ERBB2: variants seen among roughly 807,000 people sequenced by gnomAD.
ERBB2 encodes the protein receptor tyrosine-protein kinase erbB-2.
A neutral mutation model predicts 149.0 loss-of-function variants in ERBB2; 61 were observed. That is an observed-to-expected ratio of 0.41 (90% CI 0.33 to 0.51). The LOEUF is 0.51. ERBB2 is among the 20% of genes least tolerant of loss of function. ERBB2 has a pLI of 0.25. For synonymous variants in ERBB2, 633 were observed against 678.8 expected (o/e 0.93, Z 1.05); for missense variants, 1,205 against 1,655.1 (o/e 0.73, Z 4.72).
In ERBB2 at chr17:39,727,312, G is replaced by C. The variant is rs2143232917; in HGVS notation, c.3177G>C (p.Leu1059=). The C allele has an allele frequency of 1.2e-6, 2 of 1,612,914 alleles. No individual in the cohort carries two copies. Among genetic ancestry groups the C allele is most frequent in the Non-Finnish European group, 1.7e-6 (2 of 1,179,726 alleles). The change falls in exon 26 of 27, where the codon CTG becomes CTC. Residue 1059 remains leucine, a synonymous_variant. Transcript: ENST00000269571. The surrounding 1 kb of genome is among the most constrained non-coding windows in gnomAD (Gnocchi z 4.3). ...SSSTRSGGGD[L]TLGLEPSEEE... ...GTCCCCAGAGTGGCGGTGGGGACCT[G>C]ACACTAGGGCTGGAGCCCTCTGAAG... is the stretch of plus-strand genomic sequence containing the variant.
chr17:39,699,301 A>C (rs1264131373), upstream of ERBB2, among the ~76,000 whole-genome samples: 4 of 152,094 alleles, frequency 2.6e-5, no homozygotes, highest in Non-Finnish European at 5.9e-5. Flanking sequence ...CTTTACTAAA[A>C]ATACAAAAAA....
chr17:39,711,776 T>C, intron 7 of ERBB2, 152 bp from the exon 8 acceptor site: 1 of 865,034 alleles, frequency 1.2e-6, no homozygotes, highest in Middle Eastern at 2.8e-4. Flanking sequence ...GTCTGGTTGT[T>C]GTGAGGGGTA....
In ERBB2 at chr17:39,712,210, T is replaced by C. The variant is rs771808305; in HGVS notation, c.1022-112T>C. On this transcript the variant is annotated intron_variant, in intron 8 of 26. Coordinates refer to ENST00000269571, the MANE Select transcript of ERBB2 (RefSeq NM_004448.4). The stretch of plus-strand genomic sequence containing the variant: ...CCCCTCAGCCCTACAAGTGTCCCTA[T>C]ATCCCCTGTCAGTGTGGGGAGGGGC... 5 of 1,521,530 alleles carry C rather than the reference T, an allele frequency of 3.3e-6. No homozygotes were observed. In the East Asian group the frequency reaches 9.1e-5, roughly 28 times the overall value. The allele number at this position is 1,521,530 out of a possible 1,614,324, so 94.3% of individuals were successfully genotyped here. A position where few individuals can be genotyped will look rare whatever the true frequency, so the allele number is the denominator to read the frequency against.
intron 7 of ERBB2, 102 bp downstream of exon 7, chr17:39,710,583 C>A: frequency 2.2e-6 from 3 of 1,348,708 alleles, no homozygotes; most frequent in Non-Finnish European, 3.1e-6. Flanking sequence ...GCTTTGAGAG[C>A]TGGTCATGAC....
rs2143263473 is a variant in ERBB2 at position 39,727,559 on chromosome 17, A to G, written c.3412+12A>G. 1 of 1,593,524 alleles carries G rather than the reference A, an allele frequency of 6.3e-7. No individual in the cohort carries two copies. Among genetic ancestry groups the G allele is most frequent in the Non-Finnish European group, 8.5e-7 (1 of 1,174,730 alleles). On this transcript the variant is annotated intron_variant, in intron 26 of 26. Transcript: ENST00000269571. The surrounding 1 kb of genome is among the most constrained non-coding windows in gnomAD (Gnocchi z 4.3). The stretch of plus-strand genomic sequence containing the variant: ...CAGCCCCCAGCCTGGTATGGAGTCC[A>G]GTCTAAGCAGAGAGACTGATGGGCA...
chr17:39,723,839 G>A lies in ERBB2; in HGVS notation c.2209-73G>A, dbSNP rs2059584051. 6.0e-6 allele frequency: 9 copies of A among 1,504,572 alleles called. No individual in the cohort carries two copies. Among genetic ancestry groups the A allele is most frequent in the Admixed American group, 3.4e-5 (2 of 59,088 alleles). 93.2% of individuals were successfully genotyped at this position (1,504,572 alleles called of 1,614,324 possible). On this transcript the variant is annotated intron_variant, in intron 18 of 26. Transcript: ENST00000269571. The surrounding 1 kb of genome is among the most constrained non-coding windows in gnomAD (Gnocchi z 6.2). ...GTGGTGAAGGATGTTTGGAGGACAA[G>A]TAATGATCTCCTGGAAGGCAGGTAG...
chr17:39,699,415 C>A, upstream of ERBB2: 1 of 688,284 alleles, frequency 1.5e-6, no homozygotes, highest in Non-Finnish European at 2.4e-6. Context: ...GAGCAGAGAT[C>A]GCGCCATTGC....
At chr17:39,699,716 G>A (rs2057973623), upstream of ERBB2, 9 of 707,506 alleles carry the variant, frequency 1.3e-5, no homozygotes, top group South Asian at 1.5e-4. Flanking sequence ...GAAAGTTTAA[G>A]ATAAAACCTG....
At chr17:39,707,512 G>A (rs142177886) in intron 2 of ERBB2, 3 of 191,576 alleles carry the variant, frequency 1.6e-5, no homozygotes, top group African/African-American at 2.3e-5. Context: ...TGCCACTGAC[G>A]AGCCCTATGA....
upstream of ERBB2, among the ~76,000 whole-genome samples, chr17:39,698,341 G>A (rs1597848009): frequency 6.6e-6 from 1 of 150,782 alleles, no homozygotes; most frequent in African/African-American, 2.4e-5. Context: ...CTCACTGCAA[G>A]CTCTGCCTCC....
At chr17:39,719,641 C>T (rs895672294) in intron 15 of ERBB2, 146 bp from the exon 16 acceptor site, 4 of 767,264 alleles carry the variant, frequency 5.2e-6, no homozygotes, top group African/African-American at 5.1e-5. Flanking sequence ...GTAGAAGGAG[C>T]ACTGACGGCC....
chr17:39,726,291 C>A lies in ERBB2; in HGVS notation c.2873-271C>A. Reference sequence around the variant, plus strand: ...AAGGTTGCAGTAAGCTATGATTGCACCACTGAAATCCAGCCTGGGTGACAG... The same window carrying A: ...AAGGTTGCAGTAAGCTATGATTGCAACACTGAAATCCAGCCTGGGTGACAG... On this transcript the variant is annotated intron_variant, in intron 23 of 26. Coordinates refer to ENST00000269571, the MANE Select transcript of ERBB2 (RefSeq NM_004448.4). This position sits in a 1 kb window ranked among gnomAD's most constrained non-coding sequence, Gnocchi z 5.1. The A allele has an allele frequency of 2.0e-6, 1 of 498,908 alleles. No individual in the cohort carries two copies. Among genetic ancestry groups the A allele is most frequent in the African/African-American group, 1.9e-5 (1 of 52,270 alleles). The allele number at this position is 498,908 out of a possible 1,614,324, so 30.9% of individuals were successfully genotyped here.
chr17:39,701,164 G>A (rs1392300637), intron 1 of ERBB2, among the ~76,000 whole-genome samples: 1 of 152,082 alleles, frequency 6.6e-6, no homozygotes, highest in African/African-American at 2.4e-5. Context: ...AGTGGGGGCA[G>A]TGTGTATCCT....
chr17:39,691,546 T>TA (rs557885708), upstream of ERBB2, among the ~76,000 whole-genome samples: 55,570 of 108,178 alleles, frequency 0.51, 15,676 homozygotes, highest in South Asian at 0.63. Flanking sequence ...CCATCTACAT[T>TA]AAAAAAAAAA....
intron 8 of ERBB2, 136 bp downstream of exon 8, chr17:39,712,183 C>T (rs558775245): frequency 3.3e-6 from 5 of 1,507,734 alleles, no homozygotes; most frequent in Non-Finnish European, 4.6e-6. Flanking sequence ...CTACCCCTGG[C>T]CCCCCTCAGC....
chr17:39,707,237 G>A (rs2145416381), intron 2 of ERBB2, 96 bp downstream of exon 2: 2 of 1,088,120 alleles, frequency 1.8e-6, no homozygotes, highest in South Asian at 3.9e-5. Flanking sequence ...CTGCCCTTCT[G>A]TTTCCTCTCT....
At chr17:39,691,556 A>AAAAAAAAAAAAAATATAT (rs573116217), upstream of ERBB2, among the ~76,000 whole-genome samples, 3 of 84,180 alleles carry the variant, frequency 3.6e-5, no homozygotes, top group African/African-American at 1.5e-4. Context: ...TAAAAAAAAA[A>AAAAAAAAAAAAAATATAT]ATATATATAT....
rs779955263 is a variant in ERBB2 at position 39,727,387 on chromosome 17, T to A, written c.3252T>A (p.Asp1084Glu). 2.5e-6 allele frequency: 4 copies of A among 1,610,476 alleles called. No individual in the cohort carries two copies. The South Asian group carries it at 3.3e-5, about 13-fold the overall frequency. The change falls in exon 26 of 27, where the codon GAT becomes GAA. Residue 1084 changes from aspartate to glutamate, a missense_variant. Transcript: ENST00000269571. The surrounding 1 kb of genome is among the most constrained non-coding windows in gnomAD (Gnocchi z 4.3). Reference protein sequence around the residue: ...PLAPSEGAGSDVFDGDLGMGA... With the variant: ...PLAPSEGAGSEVFDGDLGMGA... ...CACCCTCCGAAGGGGCTGGCTCCGA[T>A]GTATTTGATGGTGACCTGGGAATGG... is the stretch of plus-strand genomic sequence containing the variant.
At position 39,715,896 on chromosome 17, in the gene ERBB2, C is replaced by G. The variant is rs2145658663; in HGVS notation, c.1470C>G (p.His490Gln). ...VPWDQLFRNP[H>Q]QALLHTANRP... is the part of the protein sequence containing the mutation. Reference sequence around the variant, plus strand: ...GGGACCAGCTCTTTCGGAACCCGCACCAAGCTCTGCTCCACACTGCCAACC... The same window carrying G: ...GGGACCAGCTCTTTCGGAACCCGCAGCAAGCTCTGCTCCACACTGCCAACC... The change falls in exon 12 of 27, where the codon CAC becomes CAG. Residue 490 changes from histidine to glutamine, a missense_variant. By Grantham distance (24) the His-to-Gln change is conservative. Around this residue, in one of 6 missense-constraint regions of ERBB2, gnomAD observed 569 missense variants for 803.5 expected, o/e 0.71. Coordinates refer to ENST00000269571, the MANE Select transcript of ERBB2 (RefSeq NM_004448.4). 6.2e-7 allele frequency: 1 copy of G among 1,612,176 alleles called. No homozygotes were observed. Among genetic ancestry groups the G allele is most frequent in the South Asian group, 1.1e-5 (1 of 91,086 alleles).
Sources: allele counts gnomAD v4.1 joint callset (sites outside exome capture counted in the v4.1 genomes callset), GRCh38; gene constraint gnomAD v4.1.1; regional missense constraint gnomAD v4.1.1; non-coding constraint Gnocchi (gnomAD v3.1); transcripts MANE v1.5; gene names NCBI Gene and HGNC (gene_info 2026-07-23, HGNC 2026-07-21).